Variants in AGMO observed in about 807,000 individuals in gnomAD.
AGMO encodes the protein glyceryl-ether monooxygenase.
AGMO carries 75 observed loss-of-function variants against 60.2 expected under a neutral mutation model. The ratio of observed to expected loss-of-function variants is 1.25; its 90% CI spans 1.03 to 1.51. AGMO has a LOEUF of 1.51. Ranked by LOEUF, AGMO falls within the 40% of genes most tolerant of loss-of-function variation. The pLI is 0.00. For synonymous variants in AGMO, 261 were observed against 177.1 expected (o/e 1.47, Z -3.76); for missense variants, 763 against 525.5 (o/e 1.45, Z -4.42).
At chr7:15,485,539 T>C (rs1223629287) in intron 3 of AGMO, among the ~76,000 whole-genome samples, 1 of 152,160 alleles carries the variant, frequency 6.6e-6, no homozygotes, top group African/African-American at 2.4e-5. Context: ...TAATGCTTTT[T>C]TGGTCAGGGA....
rs752098547 is a variant in AGMO at position 15,340,061 on chromosome 7, G to T, written c.1263+25453C>A. ...AGTTGCTTGAGACTAGAAGTGCTTA[G>T]AAGTTTCCGATTTTTTTGGATTTGG... is the stretch of plus-strand genomic sequence containing the variant. On this transcript the variant is annotated intron_variant, in intron 12 of 12. Coordinates refer to ENST00000342526, the MANE Select transcript of AGMO (RefSeq NM_001004320.2). Among the ~76,000 whole-genome samples, 18 of 152,294 alleles carry T rather than the reference G, an allele frequency of 1.2e-4. No homozygotes were observed. The South Asian group carries it at 1.2e-3, about 11-fold the overall frequency.
the AGMO span, among the ~76,000 whole-genome samples, chr7:15,165,214 C>A: frequency 6.6e-6 from 1 of 151,958 alleles, no homozygotes; most frequent in Non-Finnish European, 1.5e-5. Flanking sequence ...AAATAATAGA[C>A]ACTAGGGATG....
rs773346795 is a variant in AGMO, at chr7:15,561,721, T to A, written c.125A>T (p.Lys42Met). 2 of 1,602,882 alleles carry A rather than the reference T, an allele frequency of 1.2e-6. No homozygotes were observed. The highest frequency in any genetic ancestry group is 1.7e-5 in the Admixed American group (1 of 58,954). ...TLEEVPDYVK[K>M]ATPFFISLML... ...TAGCCTCTTCCAATAAAGTCTCACC[T>A]TTTTTACATAATCAGGCACCTCTTC... Residue 42 changes from lysine to methionine, a missense_variant and splice_region_variant, in exon 1 of 13, where the codon AAG (lysine) becomes ATG (methionine). By Grantham distance (95) the Lys-to-Met change is moderately conservative (BLOSUM62 -1). Transcript: ENST00000342526.
At chr7:15,212,694 TAG>T (rs1781629178) in intron 12 of AGMO, among the ~76,000 whole-genome samples, 1 of 151,940 alleles carries the variant, frequency 6.6e-6, no homozygotes, top group Admixed American at 6.6e-5. Flanking sequence ...ATCTAGCAGG[TAG>T]AGTATTCCCT....
At chr7:15,477,273 G>T (rs1782621479) in intron 3 of AGMO, among the ~76,000 whole-genome samples, 1 of 152,036 alleles carries the variant, frequency 6.6e-6, no homozygotes, top group Non-Finnish European at 1.5e-5. Flanking sequence ...ATAAGGAAGG[G>T]TCTTTTGGGT....
At chr7:15,159,108 T>C in the AGMO span, among the ~76,000 whole-genome samples, 1 of 152,180 alleles carries the variant, frequency 6.6e-6, no homozygotes, top group Admixed American at 6.5e-5. Context: ...ATTCTCTTTG[T>C]ATTTTATTCC....
intron 12 of AGMO, among the ~76,000 whole-genome samples, chr7:15,255,482 G>A (rs1227556147): frequency 7.3e-6 from 1 of 137,296 alleles, no homozygotes; most frequent in African/African-American, 2.8e-5. Context: ...GCATTCTTCC[G>A]AATTCCCTCT....
chr7:15,432,322 A>ATG (rs1371858396), intron 3 of AGMO, among the ~76,000 whole-genome samples: 16 of 134,802 alleles, frequency 1.2e-4, no homozygotes, highest in African/African-American at 3.6e-4. Flanking sequence ...ATGTGTGTGT[A>ATG]TATATGTATA....
chr7:15,204,134 C>T (rs192268498), intron 12 of AGMO, among the ~76,000 whole-genome samples: 1 of 152,154 alleles, frequency 6.6e-6, no homozygotes, highest in Non-Finnish European at 1.5e-5. Context: ...GTTAATTTTA[C>T]ACTTTAGAAT....
At chr7:15,440,819 A>G (rs747018079) in intron 3 of AGMO, among the ~76,000 whole-genome samples, 1 of 152,206 alleles carries the variant, frequency 6.6e-6, no homozygotes. Flanking sequence ...AATCTATTAC[A>G]AAGTTATATT....
intron 12 of AGMO, among the ~76,000 whole-genome samples, chr7:15,350,878 A>G (rs1286495072): frequency 6.6e-6 from 1 of 152,186 alleles, no homozygotes; most frequent in South Asian, 2.1e-4. Flanking sequence ...AGAATAAATG[A>G]GGCATTATTT....
At chr7:15,216,123 G>A (rs1214954741) in intron 12 of AGMO, among the ~76,000 whole-genome samples, 2 of 151,896 alleles carry the variant, frequency 1.3e-5, no homozygotes, top group Non-Finnish European at 2.9e-5. Flanking sequence ...AATGTTCCTG[G>A]GTTTTCAACA....
Position 15,354,459 on chromosome 7 carries a change from C to CGTGTGTATAT in AGMO, c.1263+11054_1263+11055insATATACACAC, listed in dbSNP as rs1782422175. On this transcript the variant is annotated intron_variant, in intron 12 of 12. Coordinates refer to ENST00000342526, the MANE Select transcript of AGMO (RefSeq NM_001004320.2). ...GTGTATACACACGTGTGTGTATACA[C>CGTGTGTATAT]ACGTGTGTGTATACACACGTGTGTA... 7.1e-4 allele frequency among the ~76,000 whole-genome samples: 12 copies of CGTGTGTATAT among 16,858 alleles called. 1 individual carries two copies. Among genetic ancestry groups the CGTGTGTATAT allele is most frequent in the Non-Finnish European group, 1.0e-3 (11 of 10,572 alleles). The allele number at this position is 16,858 out of a possible 152,430, so 11.1% of individuals were successfully genotyped here.
chr7:15,120,076 A>G, the AGMO span, among the ~76,000 whole-genome samples: 1 of 152,010 alleles, frequency 6.6e-6, no homozygotes, highest in Non-Finnish European at 1.5e-5. Flanking sequence ...TTTTCCGTTG[A>G]CATAGACAGT....
downstream of AGMO, among the ~76,000 whole-genome samples, chr7:15,197,280 A>C (rs1781143282): frequency 6.6e-6 from 1 of 152,168 alleles, no homozygotes; most frequent in Non-Finnish European, 1.5e-5. Flanking sequence ...CTATTACTGT[A>C]CACTATAATG....
chr7:15,455,767 T>C (rs1053629379), intron 3 of AGMO, among the ~76,000 whole-genome samples: 1 of 152,142 alleles, frequency 6.6e-6, no homozygotes, highest in Non-Finnish European at 1.5e-5. Context: ...AGAAATCTCA[T>C]GCCATTTTGA....
At chr7:15,376,649 G>C (rs1213893178) in intron 10 of AGMO, among the ~76,000 whole-genome samples, 1 of 151,946 alleles carries the variant, frequency 6.6e-6, no homozygotes, top group Non-Finnish European at 1.5e-5. Flanking sequence ...TTTTTTGTGT[G>C]TTTATTAGTT....
At chr7:15,499,132 A>T (rs1054378867) in intron 3 of AGMO, among the ~76,000 whole-genome samples, 11 of 151,904 alleles carry the variant, frequency 7.2e-5, no homozygotes, top group Admixed American at 7.2e-4. Context: ...CTAGGGAATG[A>T]TAGATAAAAA....
intron 12 of AGMO, among the ~76,000 whole-genome samples, chr7:15,322,583 T>A (rs1340634423): frequency 1.1e-3 from 39 of 36,962 alleles, no homozygotes; most frequent in Non-Finnish European, 1.2e-3. Context: ...TAAATATATA[T>A]AAATATATAA....
Sources: gnomAD v4.1 joint callset for allele counts (sites outside exome capture counted in the v4.1 genomes callset) on GRCh38, gnomAD v4.1.1 for gene constraint, MANE v1.5 for transcripts, NCBI Gene and HGNC (gene_info 2026-07-23, HGNC 2026-07-21) for gene names.